The following BAG1 variants were observed in gnomAD, a reference collection of about 807,000 sequenced individuals.
BAG1 encodes BAG cochaperone 1.
In BAG1, 35 loss-of-function variants were observed where a neutral mutation model predicts 35.5. That is an observed-to-expected ratio of 0.99 (90% CI 0.75 to 1.31). The LOEUF is 1.31. Ranked by LOEUF, BAG1 falls within the 50% of genes most tolerant of loss-of-function variation. The pLI is 0.00. For missense variants in BAG1, 464 were observed against 453.6 expected (o/e 1.02, Z -0.21); for synonymous variants, 191 against 178.9 (o/e 1.07, Z -0.54).
chr9:33,260,641 A>C (rs1055683219), intron 3 of BAG1, among the ~76,000 whole-genome samples: 1 of 152,140 alleles, frequency 6.6e-6, no homozygotes, highest in African/African-American at 2.4e-5. Flanking sequence ...CTTCCTTTCC[A>C]GTCGAAGGTT....
chr9:33,258,314 A>AG (rs1554695212), intron 4 of BAG1, among the ~76,000 whole-genome samples: 41 of 150,726 alleles, frequency 2.7e-4, no homozygotes, highest in African/African-American at 9.7e-4. Context: ...AAAAAAAAAA[A>AG]AAAAAAAAGC....
rs1200904895 is a variant in BAG1 at position 33,256,725 on chromosome 9, T to C, written c.885+76A>G. 5 of 1,237,508 alleles carry C rather than the reference T, an allele frequency of 4.0e-6. No individual in the cohort carries two copies. The East Asian group carries it at 9.3e-5, about 23-fold the overall frequency. 76.7% of individuals were successfully genotyped at this position (1,237,508 alleles called of 1,614,324 possible). A position where few individuals can be genotyped will look rare whatever the true frequency, so the allele number is the denominator to read the frequency against. On this transcript the variant is annotated intron_variant, in intron 5 of 6. Coordinates refer to ENST00000634734, the MANE Select transcript of BAG1 (RefSeq NM_004323.6). ...TGGGTTTGCTCAGGCAATAGGAGAGTAAATTACTGAAAGAGTGAATGTGAC... is the reference window on the plus strand; with the variant it reads ...TGGGTTTGCTCAGGCAATAGGAGAGCAAATTACTGAAAGAGTGAATGTGAC...
intron 4 of BAG1, chr9:33,257,852 T>G (rs979534201): frequency 6.6e-6 from 1 of 152,230 alleles, no homozygotes; most frequent in Non-Finnish European, 1.5e-5. Context: ...TTATATCAAA[T>G]TTTTTTAAGA....
At position 33,264,638 on chromosome 9, in the gene BAG1, C is replaced by G. The variant is rs1008363025; in HGVS notation, c.37G>C (p.Asp13His). 2 of 1,346,858 alleles carry G rather than the reference C, an allele frequency of 1.5e-6. No individual in the cohort carries two copies. The highest frequency in any genetic ancestry group is 6.1e-5 in the East Asian group (2 of 32,678). The allele number at this position is 1,346,858 out of a possible 1,614,324, so 83.4% of individuals were successfully genotyped here. A position where few individuals can be genotyped will look rare whatever the true frequency, so the allele number is the denominator to read the frequency against. Reference sequence around the variant, plus strand: ...AGCCGGGAACCCAGCCGCTCCCGGTCGCCTCGCGGTCTCCGCGCCCCCCCG... The same window carrying G: ...AGCCGGGAACCCAGCCGCTCCCGGTGGCCTCGCGGTCTCCGCGCCCCCCCG... The change falls in exon 1 of 7, where the codon GAC becomes CAC. Residue 13 changes from aspartate (D) to histidine (H), a missense_variant. Coordinates refer to ENST00000634734, the MANE Select transcript of BAG1 (RefSeq NM_004323.6).
intron 5 of BAG1, among the ~76,000 whole-genome samples, chr9:33,256,315 T>A (rs750151005): frequency 1.3e-5 from 2 of 152,246 alleles, no homozygotes; most frequent in South Asian, 4.1e-4. Flanking sequence ...AAGTACACAG[T>A]GCAGTTCACC....
Position 33,256,811 on chromosome 9 carries a change from A to C in BAG1, c.875T>G (p.Ile292Ser), listed in dbSNP as rs777018751. 6.2e-7 allele frequency: 1 copy of C among 1,613,446 alleles called. No homozygotes were observed. Among genetic ancestry groups the C allele is most frequent in the South Asian group, 1.1e-5 (1 of 91,006 alleles). ...TGAATATTTACTTACCAGTGTGTCA[A>C]TCTCCTCCAAGATCTTCATAAACTG... The change falls in exon 5 of 7, where the codon ATT (isoleucine) becomes AGT (serine). Residue 292 changes from isoleucine to serine, a missense_variant. Ile to Ser is a moderately radical substitution (Grantham distance 142). Transcript: ENST00000634734.
At chr9:33,261,021 C>T in intron 3 of BAG1, 66 bp downstream of exon 3, 1 of 1,401,816 alleles carries the variant, frequency 7.1e-7, no homozygotes, top group Non-Finnish European at 9.8e-7. Flanking sequence ...GTCTTCTAAA[C>T]AGAAACATGT....
At position 33,264,462 on chromosome 9, in the gene BAG1, C is replaced by T. The variant is rs767454301; in HGVS notation, c.213G>A (p.Arg71=). ...AGCGGCGCCGGGTTTTCTTCTTCAT[C>T]CGCGGCCTGCGAGCGCCGGCGGCGG... The change falls in exon 1 of 7, where the codon CGG becomes CGA. Residue 71 remains arginine (R), a synonymous_variant. Coordinates refer to ENST00000634734, the MANE Select transcript of BAG1 (RefSeq NM_004323.6). 43 of 1,613,166 alleles carry T rather than the reference C, an allele frequency of 2.7e-5. No individual in the cohort carries two copies. The Middle Eastern group carries it at 6.6e-4, about 25-fold the overall frequency.
In BAG1 at chr9:33,256,785, C is replaced by T; in HGVS notation, c.885+16G>A. 6.3e-7 allele frequency: 1 copy of T among 1,595,400 alleles called. No homozygotes were observed. ...GTCAAAGAAAACTAGTTCTTCTCAG[C>T]TGAATATTTACTTACCAGTGTGTCA... On this transcript the variant is annotated intron_variant, in intron 5 of 6. Transcript: ENST00000634734.
chr9:33,254,850 T>C lies in BAG1; in HGVS notation c.*369A>G. The C allele has an allele frequency of 2.4e-6, 1 of 410,846 alleles. No homozygotes were observed. Among genetic ancestry groups the C allele is most frequent in the Non-Finnish European group, 4.4e-6 (1 of 225,534 alleles). The allele number at this position is 410,846 out of a possible 1,614,324, so 25.5% of individuals were successfully genotyped here. On this transcript the variant is annotated 3_prime_UTR_variant, in exon 7 of 7. Transcript: ENST00000634734. ...CACGATCACAAGAGCAAAGAAGCCC[T>C]CATGTATCTGAAGACTGAGGGGGCC...
In BAG1 at chr9:33,258,956, C is replaced by T. The variant is rs1564079876; in HGVS notation, c.741G>A (p.Leu247=). The T allele has an allele frequency of 6.2e-7, 1 of 1,614,202 alleles. No homozygotes were observed. Among genetic ancestry groups the T allele is most frequent in the Non-Finnish European group, 8.5e-7 (1 of 1,180,016 alleles). The change falls in exon 4 of 7, where the codon CTG becomes CTA. Residue 247 remains leucine (L), a synonymous_variant. Transcript: ENST00000634734. ...CAGTAAGCTCTTTATTCAACTCTTCCAGCTGGTCAGCTATCTTCTCCACAG... is the reference window on the plus strand; with the variant it reads ...CAGTAAGCTCTTTATTCAACTCTTCTAGCTGGTCAGCTATCTTCTCCACAG...
At chr9:33,262,539 C>G (rs1185170089) in intron 2 of BAG1, among the ~76,000 whole-genome samples, 163 bp downstream of exon 2, 1 of 152,082 alleles carries the variant, frequency 6.6e-6, no homozygotes, top group African/African-American at 2.4e-5. Flanking sequence ...CACCTGTAAT[C>G]CCAGCTACTT....
chr9:33,263,931 CAA>C (rs1820640272), intron 1 of BAG1, among the ~76,000 whole-genome samples: 2 of 152,160 alleles, frequency 1.3e-5, no homozygotes, highest in Non-Finnish European at 2.9e-5. Flanking sequence ...ACAAAGGGCA[CAA>C]TAACTGCGCG....
chr9:33,259,835 C>T (rs1434328016), intron 3 of BAG1: 1 of 152,068 alleles, frequency 6.6e-6, no homozygotes, highest in South Asian at 2.1e-4. Context: ...TGAACACTTC[C>T]TACATGCCAC....
Position 33,254,806 on chromosome 9 carries a change from T to A in BAG1, c.*413A>T. ...AGGTGCAACCTCCTGGTGATTCTGGTTTTACAGCTATGGGACTACACGATC... is the reference window on the plus strand; with the variant it reads ...AGGTGCAACCTCCTGGTGATTCTGGATTTACAGCTATGGGACTACACGATC... On this transcript the variant is annotated 3_prime_UTR_variant, in exon 7 of 7. Transcript: ENST00000634734. The A allele has an allele frequency of 5.9e-6, 2 of 336,456 alleles. No individual in the cohort carries two copies. Among genetic ancestry groups the A allele is most frequent in the South Asian group, 5.0e-5 (2 of 40,368 alleles). 20.8% of individuals were successfully genotyped at this position (336,456 alleles called of 1,614,324 possible). A position where few individuals can be genotyped will look rare whatever the true frequency, so the allele number is the denominator to read the frequency against.
intron 3 of BAG1, chr9:33,259,656 A>C (rs1271956153): frequency 6.6e-6 from 1 of 152,254 alleles, no homozygotes; most frequent in African/African-American, 2.4e-5. Flanking sequence ...TCAACAACCA[A>C]GACTGAAGCC....
chr9:33,262,652 C>T lies in BAG1; in HGVS notation c.580+50G>A, dbSNP rs745800802. 79 of 1,487,050 alleles carry T rather than the reference C, an allele frequency of 5.3e-5. No individual in the cohort carries two copies. In the Middle Eastern group the frequency reaches 7.2e-4, roughly 14 times the overall value. The allele number at this position is 1,487,050 out of a possible 1,614,324, so 92.1% of individuals were successfully genotyped here. ...AGCCTGGGCGACAAGAGTGAAACTT[C>T]GTCTCAAAAAAAAAAAAAGAAAAAG... is the stretch of plus-strand genomic sequence containing the variant. On this transcript the variant is annotated intron_variant, in intron 2 of 6. Transcript: ENST00000634734.
intron 2 of BAG1, among the ~76,000 whole-genome samples, 162 bp downstream of exon 2, chr9:33,262,540 C>G (rs1313915866): frequency 6.6e-6 from 1 of 151,996 alleles, no homozygotes; most frequent in African/African-American, 2.4e-5. Flanking sequence ...ACCTGTAATC[C>G]CAGCTACTTG....
chr9:33,261,302 C>G, intron 2 of BAG1, 133 bp from the exon 3 acceptor site: 1 of 552,400 alleles, frequency 1.8e-6, no homozygotes, highest in East Asian at 3.2e-5. Context: ...TGTCATGACC[C>G]AGTAATTTCA....
Sources: gnomAD v4.1 joint callset for allele counts (sites outside exome capture counted in the v4.1 genomes callset) on GRCh38, gnomAD v4.1.1 for gene constraint, MANE v1.5 for transcripts, NCBI Gene and HGNC (gene_info 2026-07-23, HGNC 2026-07-21) for gene names.